Variants in GSDME observed in about 807,000 individuals in gnomAD.
GSDME encodes the protein gasdermin E.
In GSDME, 44 loss-of-function variants were observed where a neutral mutation model predicts 47.5. The observed-to-expected ratio is 0.93, with a 90% CI of 0.73 to 1.19. GSDME has a LOEUF of 1.19. Ranked by LOEUF, GSDME falls within the 50% of genes most tolerant of loss-of-function variation. The pLI, the probability that GSDME is intolerant of heterozygous loss-of-function variation, is 0.00. For synonymous variants in GSDME, 258 were observed against 252.8 expected (o/e 1.02, Z -0.20); for missense variants, 663 against 604.2 (o/e 1.10, Z -1.02).
At chr7:24,701,918 A>T (rs1788884705) in intron 9 of GSDME, among the ~76,000 whole-genome samples, 1 of 152,156 alleles carries the variant, frequency 6.6e-6, no homozygotes, top group Non-Finnish European at 1.5e-5. Flanking sequence ...CCCAGAGTAG[A>T]TGTATACCAA....
intron 3 of GSDME, among the ~76,000 whole-genome samples, chr7:24,734,303 A>G (rs772549074): frequency 1.3e-5 from 2 of 152,260 alleles, no homozygotes; most frequent in Non-Finnish European, 2.9e-5. Flanking sequence ...ATACCTGGAA[A>G]GTCTTCCTAA....
Position 24,754,343 on chromosome 7 carries a change from C to G in GSDME, c.-20+3053G>C, listed in dbSNP as rs1211541801. Among the ~76,000 whole-genome samples the G allele has an allele frequency of 6.6e-6, 1 of 151,990 alleles. No individual in the cohort carries two copies. Among genetic ancestry groups the G allele is most frequent in the Non-Finnish European group, 1.5e-5 (1 of 68,010 alleles). On this transcript the variant is annotated intron_variant, in intron 1 of 9. Coordinates refer to ENST00000645220, the MANE Select transcript of GSDME (RefSeq NM_001127453.2). This position sits in a 1 kb window ranked among gnomAD's most constrained non-coding sequence, Gnocchi z 5.0. ...TCTGTACTAAAAATACAAAAATTAG[C>G]CAGACATGGTGGCAGGCAGTAATCC...
At chr7:24,719,757 C>T (rs911859362) in intron 3 of GSDME, among the ~76,000 whole-genome samples, 8 of 151,666 alleles carry the variant, frequency 5.3e-5, no homozygotes, top group Admixed American at 1.3e-4. Context: ...CATGCCATTG[C>T]GCTCCAGCCA....
At chr7:24,766,368 C>G in the GSDME span, among the ~76,000 whole-genome samples, 2 of 151,784 alleles carry the variant, frequency 1.3e-5, no homozygotes, top group Non-Finnish European at 2.9e-5. This position sits in a 1 kb window ranked among gnomAD's most constrained non-coding sequence, Gnocchi z 4.2. Flanking sequence ...GTTTGTTACA[C>G]AGGTATACAT....
chr7:24,793,913 T>C, the GSDME span, among the ~76,000 whole-genome samples: 2 of 152,334 alleles, frequency 1.3e-5, no homozygotes, highest in East Asian at 3.9e-4. Context: ...ATTGAATGTA[T>C]TTGGGCCATC....
intron 6 of GSDME, 42 bp from the exon 7 acceptor site, chr7:24,708,296 A>G: frequency 6.2e-7 from 1 of 1,612,242 alleles, no homozygotes. Flanking sequence ...ACTGCGATGC[A>G]CATCTCACGA....
rs10531811 is a variant in GSDME, at chr7:24,707,683, GACACAC to G, written c.990+438_990+443del. ...CTTTATAACAGACAGTAAAGGAGAA[GACACAC>G]ACACACACACAGAGGGGAAGCCCAC... On this transcript the variant is annotated intron_variant, in intron 7 of 9. Coordinates refer to ENST00000645220, the MANE Select transcript of GSDME (RefSeq NM_001127453.2). 7 of 329,974 alleles carry G rather than the reference GACACAC, an allele frequency of 2.1e-5. No homozygotes were observed. In the East Asian group the frequency reaches 2.7e-4, roughly 13 times the overall value. 20.4% of individuals were successfully genotyped at this position (329,974 alleles called of 1,614,324 possible). A position where few individuals can be genotyped will look rare whatever the true frequency, so the allele number is the denominator to read the frequency against.
rs911787840 is a variant in GSDME at position 24,736,978 on chromosome 7, A to T, written c.404+7584T>A. On this transcript the variant is annotated intron_variant, in intron 3 of 9. Coordinates refer to ENST00000645220, the MANE Select transcript of GSDME (RefSeq NM_001127453.2). This position sits in a 1 kb window ranked among gnomAD's most constrained non-coding sequence, Gnocchi z 4.6. ...TATTGAAACAAATGATAACAGAAAC[A>T]CAACAGCAAAACCTATGGGGTACAT... Among the ~76,000 whole-genome samples, 16 of 152,186 alleles carry T rather than the reference A, an allele frequency of 1.1e-4. No individual in the cohort carries two copies. The highest frequency in any genetic ancestry group is 2.4e-4 in the Non-Finnish European group (16 of 68,010).
In GSDME at chr7:24,732,589, C is replaced by CAGCCATGTGGCAGAGAGAGAGA. The variant is rs1459709160; in HGVS notation, c.404+11951_404+11972dup. 8.5e-5 allele frequency among the ~76,000 whole-genome samples: 13 copies of CAGCCATGTGGCAGAGAGAGAGA among 152,308 alleles called. No homozygotes were observed. The highest frequency in any genetic ancestry group is 1.5e-4 in the Non-Finnish European group (10 of 68,024). ...CCACCCCTCCCCTATCTCTGGGCAG[C>CAGCCATGTGGCAGAGAGAGAGA]AGCCATGTGGCAGAGAGAGAGAAGC... is the stretch of plus-strand genomic sequence containing the variant. On this transcript the variant is annotated intron_variant, in intron 3 of 9. Coordinates refer to ENST00000645220, the MANE Select transcript of GSDME (RefSeq NM_001127453.2). The surrounding 1 kb of genome is among the most constrained non-coding windows in gnomAD (Gnocchi z 4.8).
At chr7:24,751,983 G>T (rs1477921875) in intron 1 of GSDME, among the ~76,000 whole-genome samples, 1 of 152,190 alleles carries the variant, frequency 6.6e-6, no homozygotes, top group Non-Finnish European at 1.5e-5. Context: ...TTGGAGAGAG[G>T]CATACTGTCA....
At chr7:24,748,631 A>AT (rs1460831111) in intron 2 of GSDME, among the ~76,000 whole-genome samples, 2 of 151,984 alleles carry the variant, frequency 1.3e-5, no homozygotes, top group African/African-American at 2.4e-5. Flanking sequence ...GTCTGACCCC[A>AT]TTTTTTATGT....
chr7:24,750,680 T>C (rs1790829684), intron 1 of GSDME, among the ~76,000 whole-genome samples: 1 of 152,234 alleles, frequency 6.6e-6, no homozygotes, highest in Non-Finnish European at 1.5e-5. Flanking sequence ...GATAGCTTAC[T>C]TATGACTACT....
the GSDME span, among the ~76,000 whole-genome samples, chr7:24,794,034 G>A: frequency 6.6e-6 from 1 of 152,162 alleles, no homozygotes; most frequent in African/African-American, 2.4e-5. Flanking sequence ...GTATTGGAGT[G>A]TTATATGATC....
chr7:24,767,618 C>T, the GSDME span, among the ~76,000 whole-genome samples: 7 of 135,458 alleles, frequency 5.2e-5, no homozygotes, highest in Non-Finnish European at 9.4e-5. This position sits in a 1 kb window ranked among gnomAD's most constrained non-coding sequence, Gnocchi z 5.3. Context: ...AGTTGTAGAA[C>T]CTTTTTTTTT....
At chr7:24,786,068 G>A in the GSDME span, among the ~76,000 whole-genome samples, 2 of 152,186 alleles carry the variant, frequency 1.3e-5, no homozygotes, top group South Asian at 4.1e-4. The surrounding 1 kb of genome is among the most constrained non-coding windows in gnomAD (Gnocchi z 5.5). Flanking sequence ...GTTGTTGATT[G>A]ACTGCAGACC....
chr7:24,748,437 C>T (rs1249595132), intron 2 of GSDME, among the ~76,000 whole-genome samples: 2 of 152,138 alleles, frequency 1.3e-5, no homozygotes, highest in African/African-American at 4.8e-5. Context: ...GGATTACAGG[C>T]ATGAGCCACC....
chr7:24,764,686 C>G, the GSDME span, among the ~76,000 whole-genome samples: 1 of 152,200 alleles, frequency 6.6e-6, no homozygotes, highest in African/African-American at 2.4e-5. The surrounding 1 kb of genome is among the most constrained non-coding windows in gnomAD (Gnocchi z 4.4). Flanking sequence ...GCAAATGCTA[C>G]GTTTGAGTTC....
chr7:24,785,785 C>G, the GSDME span, among the ~76,000 whole-genome samples: 1 of 152,212 alleles, frequency 6.6e-6, no homozygotes, highest in South Asian at 2.1e-4. Flanking sequence ...GTCAAGCACA[C>G]TGGTCTTAGG....
At position 24,721,672 on chromosome 7, in the gene GSDME, C is replaced by G. The variant is rs1254741648; in HGVS notation, c.405-2454G>C. On this transcript the variant is annotated intron_variant, in intron 3 of 9. Transcript: ENST00000645220. The surrounding 1 kb of genome is among the most constrained non-coding windows in gnomAD (Gnocchi z 4.1). Reference sequence around the variant, plus strand: ...CCTTCCCGTGTCCCTCTATGAGGCTCACAAAACAAAGCCACAGTGTGTGCC... The same window carrying G: ...CCTTCCCGTGTCCCTCTATGAGGCTGACAAAACAAAGCCACAGTGTGTGCC... Among the ~76,000 whole-genome samples, 1 of 152,228 alleles carries G rather than the reference C, an allele frequency of 6.6e-6. No individual in the cohort carries two copies. The highest frequency in any genetic ancestry group is 1.5e-5 in the Non-Finnish European group (1 of 68,036).
Sources: allele counts gnomAD v4.1 joint callset (sites outside exome capture counted in the v4.1 genomes callset), GRCh38; gene constraint gnomAD v4.1.1; non-coding constraint Gnocchi (gnomAD v3.1); transcripts MANE v1.5; gene names NCBI Gene and HGNC (gene_info 2026-07-23, HGNC 2026-07-21).